The following HEXA variants were observed in gnomAD, a reference collection of about 807,000 sequenced individuals.
HEXA encodes the protein hexosaminidase subunit alpha, also known as beta-hexosaminidase subunit alpha.
A neutral mutation model predicts 73.3 loss-of-function variants in HEXA; 54 were observed. The observed-to-expected ratio is 0.74, with a 90% CI of 0.59 to 0.92. The LOEUF is 0.92. HEXA is among the 40% of genes least tolerant of loss of function. The pLI, the probability that HEXA is intolerant of heterozygous loss-of-function variation, is 0.00. For synonymous variants in HEXA, 230 were observed against 246.9 expected, an observed-to-expected ratio of 0.93 and a Z score of 0.64; for missense variants, 649 against 653.0, an observed-to-expected ratio of 0.99 and a Z score of 0.07.
rs193174014 is a variant in HEXA, at chr15:72,375,644, T to G, written c.253+76A>C. The stretch of plus-strand genomic sequence containing the variant: ...GCTGGACAAAAGCCCATAGGGCGTC[T>G]CTGGAGCCCTGGGGGAACTGTCCCC... On this transcript the variant is annotated intron_variant, in intron 1 of 13. Coordinates refer to ENST00000268097, the MANE Select transcript of HEXA (RefSeq NM_000520.6). 7 of 1,561,028 alleles carry G rather than the reference T, an allele frequency of 4.5e-6. No individual in the cohort carries two copies. The East Asian group carries it at 1.6e-4, about 35-fold the overall frequency.
At chr15:72,356,030 C>T in intron 2 of HEXA, 2 of 452,870 alleles carry the variant, frequency 4.4e-6, no homozygotes, top group South Asian at 3.2e-5. Context: ...AATCACCCTC[C>T]TTTCCCCTTC....
Position 72,363,738 on chromosome 15 carries a change from T to A in HEXA, c.254-7121A>T, listed in dbSNP as rs575622637. ...TCCTTCCTCTCATTCCCATCCCATA[T>A]TTTTTGGGTAAAAGTTGTACCCATC... is the stretch of plus-strand genomic sequence containing the variant. On this transcript the variant is annotated intron_variant, in intron 1 of 13. Coordinates refer to ENST00000268097, the MANE Select transcript of HEXA (RefSeq NM_000520.6). Among the ~76,000 whole-genome samples the A allele has an allele frequency of 4.6e-5, 7 of 152,282 alleles. No homozygotes were observed. In the East Asian group the frequency reaches 1.4e-3, roughly 29 times the overall value.
At chr15:72,345,338 C>G in intron 13 of HEXA, 108 bp downstream of exon 13, 1 of 1,552,450 alleles carries the variant, frequency 6.4e-7, no homozygotes. Flanking sequence ...TGACTATAAG[C>G]CTCTGTAAGT....
rs1190323371 is a variant in HEXA at position 72,375,983 on chromosome 15, T to G, written c.-11A>C. Reference sequence around the variant, plus strand: ...CCTGGAGCTTGTCATGGCCCGCTGGTCTCCCCTCTCGGAGGGGGCTGGCCA... The same window carrying G: ...CCTGGAGCTTGTCATGGCCCGCTGGGCTCCCCTCTCGGAGGGGGCTGGCCA... On this transcript the variant is annotated 5_prime_UTR_variant, in exon 1 of 14. Coordinates refer to ENST00000268097, the MANE Select transcript of HEXA (RefSeq NM_000520.6). The G allele has an allele frequency of 1.2e-6, 2 of 1,612,200 alleles. No homozygotes were observed. The highest frequency in any genetic ancestry group is 3.3e-5 in the Admixed American group (2 of 59,998).
chr15:72,374,814 G>A (rs1051152610), intron 1 of HEXA, among the ~76,000 whole-genome samples: 1 of 152,036 alleles, frequency 6.6e-6, no homozygotes, highest in Non-Finnish European at 1.5e-5. Flanking sequence ...TGTCTAAAGC[G>A]CTCTTGACTC....
intron 2 of HEXA, 112 bp from the exon 3 acceptor site, chr15:72,355,736 T>C (rs1020385643): frequency 1.3e-6 from 1 of 786,226 alleles, no homozygotes; most frequent in Non-Finnish European, 2.2e-6. Context: ...AGTAAGACCA[T>C]ATATTTTAAA....
Position 72,349,155 on chromosome 15 carries a change from AT to A in HEXA, c.909del (p.Phe304SerfsTer3), listed in dbSNP as rs758406312. 6.2e-7 allele frequency: 1 copy of A among 1,613,960 alleles called. No individual in the cohort carries two copies. Among genetic ancestry groups the A allele is most frequent in the South Asian group, 1.1e-5 (1 of 91,082 alleles). On this transcript the variant is annotated frameshift_variant, in exon 8 of 14. Transcript: ENST00000268097. LOFTEE classifies it high-confidence loss of function. ...SLNNTYEFMSTFFLEVSSVFP... is the reference protein window; with the variant it reads ...SLNNTYEFMSXFFLEVSSVFP... ...AAGACAGAGCTGACTTCTAAGAAGA[AT>A]GTGCTCATGAACTCATAGGTATTAT...
At chr15:72,366,923 C>T (rs951467331) in intron 1 of HEXA, among the ~76,000 whole-genome samples, 7 of 152,008 alleles carry the variant, frequency 4.6e-5, no homozygotes, top group Admixed American at 2.0e-4. Context: ...TACCTCTCAA[C>T]CTCTTAATTT....
chr15:72,359,779 T>G (rs1001622443), intron 1 of HEXA: 1 of 150,160 alleles, frequency 6.7e-6, no homozygotes, highest in Non-Finnish European at 1.5e-5. Context: ...TAGAAAATAT[T>G]TACGATTAAA....
chr15:72,360,506 G>C (rs1435121023), intron 1 of HEXA: 2 of 152,294 alleles, frequency 1.3e-5, no homozygotes, highest in African/African-American at 4.8e-5. Context: ...GATGGAAGGG[G>C]CTTCCTTTTA....
chr15:72,355,957 G>A (rs1171409915), intron 2 of HEXA: 1 of 482,400 alleles, frequency 2.1e-6, no homozygotes, highest in Non-Finnish European at 4.1e-6. Context: ...GTCTTCTCCT[G>A]GCAAAGGGAA....
chr15:72,372,794 T>TA (rs2089010316), intron 1 of HEXA, among the ~76,000 whole-genome samples: 1 of 152,198 alleles, frequency 6.6e-6, no homozygotes, highest in African/African-American at 2.4e-5. Context: ...TATGAATTCT[T>TA]AGTTTCAGGT....
chr15:72,364,628 T>C (rs2088892823), intron 1 of HEXA, among the ~76,000 whole-genome samples: 2 of 152,144 alleles, frequency 1.3e-5, no homozygotes, highest in South Asian at 4.1e-4. Context: ...AGTTTTGGTT[T>C]TGATACTGCC....
intron 1 of HEXA, chr15:72,362,333 A>C: frequency 2.5e-6 from 1 of 400,374 alleles, no homozygotes; most frequent in Non-Finnish European, 5.0e-6. Flanking sequence ...ATTTTTCAAA[A>C]CACTTTTCTT....
chr15:72,348,203 A>G, intron 8 of HEXA, 69 bp from the exon 9 acceptor site: 1 of 1,033,576 alleles, frequency 9.7e-7, no homozygotes, highest in Non-Finnish European at 1.5e-6. Flanking sequence ...GGGATTAGTC[A>G]CCTGGCCCCC....
At chr15:72,362,761 A>G (rs1232190261) in intron 1 of HEXA, among the ~76,000 whole-genome samples, 11 of 152,156 alleles carry the variant, frequency 7.2e-5, no homozygotes, top group Admixed American at 2.6e-4. Flanking sequence ...ACTAATAACT[A>G]TTAGGGTAAC....
At position 72,343,966 on chromosome 15, in the gene HEXA, C is replaced by G; in HGVS notation, c.*111G>C. ...CCCTTTCTCTCCAAGCACAGGGGCA[C>G]GCAGGCAAGGGGCACGAAGGCAAGG... On this transcript the variant is annotated 3_prime_UTR_variant, in exon 14 of 14. Coordinates refer to ENST00000268097, the MANE Select transcript of HEXA (RefSeq NM_000520.6). 1.2e-6 allele frequency: 1 copy of G among 865,850 alleles called. No individual in the cohort carries two copies. Among genetic ancestry groups the G allele is most frequent in the East Asian group, 2.5e-5 (1 of 40,048 alleles). The allele number at this position is 865,850 out of a possible 1,614,324, so 53.6% of individuals were successfully genotyped here.
At chr15:72,357,216 G>A (rs2088796699) in intron 1 of HEXA, 1 of 169,594 alleles carries the variant, frequency 5.9e-6, no homozygotes, top group South Asian at 1.4e-4. Context: ...CCAGATGAAG[G>A]GTTTCCAGTT....
intron 7 of HEXA, 99 bp from the exon 8 acceptor site, chr15:72,349,358 G>A (rs573105047): frequency 3.3e-5 from 32 of 959,208 alleles, no homozygotes; most frequent in Middle Eastern, 6.2e-4. Context: ...CAAGACAAGT[G>A]TATTCATAAA....
Sources: allele counts gnomAD v4.1 joint callset (sites outside exome capture counted in the v4.1 genomes callset), GRCh38; gene constraint gnomAD v4.1.1; transcripts MANE v1.5; gene names NCBI Gene and HGNC (gene_info 2026-07-23, HGNC 2026-07-21).